The following ARMC6 variants were observed in gnomAD, a reference collection of about 807,000 sequenced individuals.
The protein encoded by ARMC6 is armadillo repeat containing 6.
Under a neutral mutation model 49.2 loss-of-function variants are expected in ARMC6, and 43 were observed. The observed-to-expected ratio is 0.87, with a 90% CI of 0.69 to 1.13. The LOEUF is 1.13. Ranked by LOEUF, ARMC6 falls within the 50% of genes most tolerant of loss-of-function variation. The pLI is 0.00. For missense variants in ARMC6, 627 were observed against 682.0 expected (o/e 0.92, Z 0.90); for synonymous variants, 262 against 289.6 (o/e 0.90, Z 0.97).
intron 4 of ARMC6, among the ~76,000 whole-genome samples, chr19:19,048,043 TCTACAAAAA>T (rs2059465656): frequency 6.6e-6 from 1 of 151,918 alleles, no homozygotes; most frequent in Admixed American, 6.6e-5. Flanking sequence ...AAAACCCATC[TCTACAAAAA>T]ATACAAAAAT....
rs369869388 is a variant in ARMC6, at chr19:19,039,069, A to T, written c.30-3642A>T. Among the ~76,000 whole-genome samples the T allele has an allele frequency of 2.0e-4, 30 of 152,300 alleles. No individual in the cohort carries two copies. In the East Asian group the frequency reaches 5.0e-3, roughly 25 times the overall value. On this transcript the variant is annotated intron_variant, in intron 2 of 8. Coordinates refer to ENST00000535612, the MANE Select transcript of ARMC6 (RefSeq NM_001199196.2). ...TGCTCAGTTCTTTTTGTTTTTAAAC[A>T]GATTAGCACTTTAAGAAATTGAGCT...
At chr19:19,045,986 C>G (rs1007412903) in intron 4 of ARMC6, among the ~76,000 whole-genome samples, 12 of 151,956 alleles carry the variant, frequency 7.9e-5, no homozygotes, top group East Asian at 5.8e-4. Context: ...TTCTCTTAAT[C>G]TGTGCTCAGC....
chr19:19,057,456 G>C lies in ARMC6; in HGVS notation c.1334G>C (p.Gly445Ala). The C allele has an allele frequency of 6.2e-7, 1 of 1,613,894 alleles. No individual in the cohort carries two copies. The highest frequency in any genetic ancestry group is 1.3e-5 in the African/African-American group (1 of 75,062). ...CMLIRNLVAH[G>A]QAFSKPILDL... ...CTGATCCGAAACCTGGTGGCCCACG[G>C]CCAGGCCTTCTCGAAGCCCATCCTG... The change falls in exon 9 of 9, where the codon GGC becomes GCC. Residue 445 changes from glycine to alanine, a missense_variant. By Grantham distance (60) the Gly-to-Ala change is moderately conservative. Transcript: ENST00000535612.
intron 2 of ARMC6, chr19:19,040,709 C>T (rs2059405386): frequency 2.4e-6 from 1 of 418,070 alleles, no homozygotes. Flanking sequence ...AGTGCAATGG[C>T]ATGATCTCGG....
At chr19:19,057,385 T>C in intron 8 of ARMC6, 31 bp from the exon 9 acceptor site, 1 of 1,593,592 alleles carries the variant, frequency 6.3e-7, no homozygotes, top group Non-Finnish European at 8.6e-7. Context: ...CAAAGCCCCA[T>C]CTGGCAGCTC....
chr19:19,042,555 C>T (rs1355767411), intron 2 of ARMC6, among the ~76,000 whole-genome samples, 156 bp from the exon 3 acceptor site: 1 of 152,180 alleles, frequency 6.6e-6, no homozygotes, highest in Non-Finnish European at 1.5e-5. Context: ...GGGATATCAC[C>T]CTTTCCTGTG....
chr19:19,041,863 T>C (rs1217244106), intron 2 of ARMC6, among the ~76,000 whole-genome samples: 3 of 152,180 alleles, frequency 2.0e-5, no homozygotes, highest in Non-Finnish European at 4.4e-5. Context: ...ACAATATTGT[T>C]AATTATAGGG....
At chr19:19,054,025 G>T in intron 5 of ARMC6, 127 bp from the exon 6 acceptor site, 1 of 924,104 alleles carries the variant, frequency 1.1e-6, no homozygotes, top group Non-Finnish European at 1.5e-6. Context: ...GGGCCTTCCT[G>T]GTGCCCGTGG....
chr19:19,054,472 C>T (rs537018201), intron 6 of ARMC6, 151 bp downstream of exon 6: 4 of 797,524 alleles, frequency 5.0e-6, no homozygotes, highest in Admixed American at 4.0e-5. Context: ...AACCAAAGGT[C>T]GGGGGGGAAA....
chr19:19,040,328 G>C (rs1384473335), intron 2 of ARMC6, among the ~76,000 whole-genome samples: 1 of 152,150 alleles, frequency 6.6e-6, no homozygotes, highest in African/African-American at 2.4e-5. Flanking sequence ...TTTCTCTCCT[G>C]TCACAGCTGA....
At chr19:19,053,601 GC>G (rs1872131090) in intron 5 of ARMC6, among the ~76,000 whole-genome samples, 1 of 152,216 alleles carries the variant, frequency 6.6e-6, no homozygotes, top group Non-Finnish European at 1.5e-5. Flanking sequence ...ACTGCAGAGG[GC>G]TACAGGTGGT....
In ARMC6 at chr19:19,034,885, G is replaced by A. The variant is rs2059337678; in HGVS notation, c.29+647G>A. ...TGGCCTTTTTTTTTTTTTTTGAGACGGAGTCTCGTTCTGTCACCCAGGCTG... is the reference window on the plus strand; with the variant it reads ...TGGCCTTTTTTTTTTTTTTTGAGACAGAGTCTCGTTCTGTCACCCAGGCTG... On this transcript the variant is annotated intron_variant, in intron 2 of 8. Transcript: ENST00000535612. 2.1e-5 allele frequency among the ~76,000 whole-genome samples: 3 copies of A among 145,130 alleles called. No individual in the cohort carries two copies. The Admixed American group carries it at 2.1e-4, about 10-fold the overall frequency.
chr19:19,041,640 C>T (rs913737391), intron 2 of ARMC6, among the ~76,000 whole-genome samples: 2 of 152,156 alleles, frequency 1.3e-5, no homozygotes, highest in Admixed American at 6.5e-5. Context: ...TGCGCCACTG[C>T]ACCCAGCGAA....
chr19:19,051,181 ACAAACAACC>A (rs1418857109), intron 4 of ARMC6, among the ~76,000 whole-genome samples: 2 of 152,186 alleles, frequency 1.3e-5, no homozygotes, highest in Non-Finnish European at 2.9e-5. Context: ...CAGCTGTGTG[ACAAACAACC>A]CAAACAACAG....
At chr19:19,044,116 T>G in intron 4 of ARMC6, 42 bp downstream of exon 4, 1 of 1,564,218 alleles carries the variant, frequency 6.4e-7, no homozygotes, top group African/African-American at 1.4e-5. Context: ...GCGTCACCTC[T>G]GTCTGGGGGC....
chr19:19,043,663 G>A (rs2059426710), intron 3 of ARMC6, among the ~76,000 whole-genome samples: 1 of 152,146 alleles, frequency 6.6e-6, no homozygotes, highest in South Asian at 2.1e-4. Context: ...CAAGGGAGAA[G>A]GCTGTGGGGT....
rs966592591 is a variant in ARMC6 at position 19,055,509 on chromosome 19, G to T, written c.1155+113G>T. The T allele has an allele frequency of 4.2e-6, 6 of 1,438,454 alleles. No individual in the cohort carries two copies. The highest frequency in any genetic ancestry group is 5.5e-6 in the Non-Finnish European group (6 of 1,084,008). The allele number at this position is 1,438,454 out of a possible 1,614,324, so 89.1% of individuals were successfully genotyped here. A position where few individuals can be genotyped will look rare whatever the true frequency, so the allele number is the denominator to read the frequency against. On this transcript the variant is annotated intron_variant, in intron 7 of 8. Coordinates refer to ENST00000535612, the MANE Select transcript of ARMC6 (RefSeq NM_001199196.2). The surrounding 1 kb of genome is among the most constrained non-coding windows in gnomAD (Gnocchi z 5.7). ...TGCAGGGCCAGGGCAGGGCTGGTGAGGGTCGTGGGCATTGGCTCTCAAATG... is the reference window on the plus strand; with the variant it reads ...TGCAGGGCCAGGGCAGGGCTGGTGATGGTCGTGGGCATTGGCTCTCAAATG...
At chr19:19,046,028 C>T (rs1339680320) in intron 4 of ARMC6, among the ~76,000 whole-genome samples, 1 of 152,072 alleles carries the variant, frequency 6.6e-6, no homozygotes, top group African/African-American at 2.4e-5. Context: ...TGAGGCTTCC[C>T]AAGGATCAGT....
In ARMC6 at chr19:19,055,975, CA is replaced by C; in HGVS notation, c.1293+48del. 1 of 1,571,724 alleles carries C rather than the reference CA, an allele frequency of 6.4e-7. No homozygotes were observed. The highest frequency in any genetic ancestry group is 2.1e-4 in the Middle Eastern group (1 of 4,794). Reference sequence around the variant, plus strand: ...GGCAGGCAGGCTGGTGTGGGATGTGCAGGTAGGTGCAGAGAGGGCATGGGAG... The same window carrying C: ...GGCAGGCAGGCTGGTGTGGGATGTGCGGTAGGTGCAGAGAGGGCATGGGAG... On this transcript the variant is annotated intron_variant, in intron 8 of 8. Transcript: ENST00000535612. This position sits in a 1 kb window ranked among gnomAD's most constrained non-coding sequence, Gnocchi z 5.7.
Sources: allele counts gnomAD v4.1 joint callset (sites outside exome capture counted in the v4.1 genomes callset), GRCh38; gene constraint gnomAD v4.1.1; non-coding constraint Gnocchi (gnomAD v3.1); transcripts MANE v1.5; gene names NCBI Gene and HGNC (gene_info 2026-07-23, HGNC 2026-07-21).